Variants in OPCML observed in about 807,000 individuals in gnomAD.
OPCML encodes the protein opioid binding protein/cell adhesion molecule like, also known as opioid-binding protein/cell adhesion molecule.
In OPCML, 13 loss-of-function variants were observed where a neutral mutation model predicts 37.8. The observed-to-expected ratio is 0.34, with a 90% CI of 0.22 to 0.55. OPCML has a LOEUF of 0.55. Among genes scored for constraint, OPCML ranks in the 20% least tolerant of loss-of-function variants. The pLI is 0.91. For missense variants in OPCML, 341 were observed against 435.6 expected (o/e 0.78, Z 1.93); for synonymous variants, 176 against 168.8 (o/e 1.04, Z -0.33).
At chr11:132,460,017 T>C (rs1018240176) in intron 4 of OPCML, among the ~76,000 whole-genome samples, 3 of 152,104 alleles carry the variant, frequency 2.0e-5, no homozygotes, top group Non-Finnish European at 4.4e-5. Flanking sequence ...TACAGTGCTG[T>C]TGTGGGGGTG....
intron 1 of OPCML, among the ~76,000 whole-genome samples, chr11:133,443,363 G>A (rs1041237318): frequency 6.6e-6 from 1 of 152,194 alleles, no homozygotes; most frequent in Non-Finnish European, 1.5e-5. Context: ...GATTCAGCCT[G>A]GAGCTTTCAG....
chr11:132,710,704 AAT>A (rs1944226981), intron 2 of OPCML, among the ~76,000 whole-genome samples: 1 of 134,858 alleles, frequency 7.4e-6, no homozygotes, highest in Non-Finnish European at 1.6e-5. Context: ...AAAAAAAAAA[AAT>A]TAGCCAGGTG....
intron 3 of OPCML, among the ~76,000 whole-genome samples, chr11:132,538,894 C>T (rs908395234): frequency 6.6e-6 from 1 of 152,150 alleles, no homozygotes; most frequent in African/African-American, 2.4e-5. Flanking sequence ...TGCCATATTC[C>T]CCATTCATCC....
At chr11:132,940,016 T>C (rs977202140) in intron 2 of OPCML, among the ~76,000 whole-genome samples, 1 of 152,244 alleles carries the variant, frequency 6.6e-6, no homozygotes, top group African/African-American at 2.4e-5. Flanking sequence ...TTTTTGCTTT[T>C]CAAGTAACCC....
chr11:133,024,289 G>A (rs1947507766), intron 1 of OPCML: 3 of 918,948 alleles, frequency 3.3e-6, no homozygotes, highest in Non-Finnish European at 3.9e-6. Flanking sequence ...CAAGCGTGTT[G>A]TGCAGTGTTG....
At chr11:133,085,617 A>G (rs1948807177) in intron 1 of OPCML, among the ~76,000 whole-genome samples, 1 of 152,240 alleles carries the variant, frequency 6.6e-6, no homozygotes, top group African/African-American at 2.4e-5. Context: ...CTCATACAAT[A>G]AAGTACCAAG....
At chr11:132,648,511 T>C (rs1941267676) in intron 3 of OPCML, among the ~76,000 whole-genome samples, 1 of 151,538 alleles carries the variant, frequency 6.6e-6, no homozygotes, top group Admixed American at 6.6e-5. Context: ...GCCCTGACAC[T>C]TCTCTCTGTC....
intron 2 of OPCML, among the ~76,000 whole-genome samples, chr11:132,807,162 C>T (rs887607541): frequency 6.6e-6 from 1 of 151,972 alleles, no homozygotes; most frequent in African/African-American, 2.4e-5. Flanking sequence ...CACAAAGAAA[C>T]AACAAACATA....
At chr11:132,555,642 C>T (rs1305635182) in intron 3 of OPCML, among the ~76,000 whole-genome samples, 1 of 152,102 alleles carries the variant, frequency 6.6e-6, no homozygotes, top group Non-Finnish European at 1.5e-5. Context: ...AATGGCTTGA[C>T]AAACCCTCAA....
At chr11:132,995,833 C>T (rs1317728284) in intron 1 of OPCML, among the ~76,000 whole-genome samples, 1 of 152,148 alleles carries the variant, frequency 6.6e-6, no homozygotes, top group African/African-American at 2.4e-5. Flanking sequence ...CCAAGATGTG[C>T]TTGGTATAGT....
intron 1 of OPCML, among the ~76,000 whole-genome samples, chr11:133,314,031 C>T (rs553813962): frequency 9.2e-5 from 14 of 151,460 alleles, no homozygotes; most frequent in South Asian, 2.1e-4. Context: ...GTCAGGAGAT[C>T]GAGACCATCC....
At chr11:132,981,212 A>T (rs987559474) in intron 1 of OPCML, among the ~76,000 whole-genome samples, 1 of 152,220 alleles carries the variant, frequency 6.6e-6, no homozygotes, top group African/African-American at 2.4e-5. Flanking sequence ...ATACAGAAGA[A>T]ATGGAAAAAG....
intron 2 of OPCML, among the ~76,000 whole-genome samples, chr11:132,851,152 G>A (rs1476634615): frequency 6.6e-6 from 1 of 152,206 alleles, no homozygotes; most frequent in African/African-American, 2.4e-5. Context: ...AAAAATCACA[G>A]CTATTTTTAT....
chr11:133,041,569 T>C (rs1947898305), intron 1 of OPCML, among the ~76,000 whole-genome samples: 1 of 152,208 alleles, frequency 6.6e-6, no homozygotes, highest in Non-Finnish European at 1.5e-5. Context: ...TATCCTAGCC[T>C]GGCCTCTTCT....
At chr11:132,865,037 G>T (rs1398645762) in intron 2 of OPCML, among the ~76,000 whole-genome samples, 1 of 152,226 alleles carries the variant, frequency 6.6e-6, no homozygotes, top group Non-Finnish European at 1.5e-5. Flanking sequence ...AAGTCAGGCC[G>T]CTTTGCTGCA....
intron 3 of OPCML, among the ~76,000 whole-genome samples, chr11:132,600,293 C>T (rs1037246215): frequency 1.3e-4 from 20 of 152,232 alleles, no homozygotes; most frequent in African/African-American, 4.6e-4. Flanking sequence ...ATATCTTTAA[C>T]CAAATGTTTT....
intron 1 of OPCML, among the ~76,000 whole-genome samples, chr11:133,520,523 T>C (rs1720885140): frequency 6.6e-6 from 1 of 152,168 alleles, no homozygotes; most frequent in Non-Finnish European, 1.5e-5. Flanking sequence ...CCCTTGGGCC[T>C]GGGCAAAGAC....
intron 2 of OPCML, among the ~76,000 whole-genome samples, chr11:132,765,014 G>A (rs1334500215): frequency 6.6e-6 from 1 of 152,184 alleles, no homozygotes; most frequent in Non-Finnish European, 1.5e-5. Flanking sequence ...GATTGGGTAA[G>A]ACACATTCCT....
chr11:132,442,166 C>T (rs2096038142), intron 4 of OPCML, among the ~76,000 whole-genome samples: 1 of 152,142 alleles, frequency 6.6e-6, no homozygotes, highest in Non-Finnish European at 1.5e-5. Context: ...TCTCATGGGG[C>T]CAGGACTCAA....
Sources: gnomAD v4.1 joint callset for allele counts (sites outside exome capture counted in the v4.1 genomes callset) on GRCh38, gnomAD v4.1.1 for gene constraint, MANE v1.5 for transcripts, NCBI Gene and HGNC (gene_info 2026-07-23, HGNC 2026-07-21) for gene names.